Variants in PDGFRL observed in about 807,000 individuals in gnomAD.
PDGFRL encodes platelet-derived growth factor receptor-like protein.
In PDGFRL, 46 loss-of-function variants were observed where a neutral mutation model predicts 37.2. The ratio of observed to expected loss-of-function variants is 1.24; its 90% CI spans 0.98 to 1.58. The LOEUF is 1.58. PDGFRL is among the 40% of genes most tolerant of loss of function. The probability of loss-of-function intolerance (pLI) is 0.00; values close to 1 mark genes in which losing one functional copy is unlikely to be tolerated. For synonymous variants in PDGFRL, 251 were observed against 184.3 expected (o/e 1.36, Z -2.93); for missense variants, 692 against 467.6 (o/e 1.48, Z -4.43).
At chr8:17,621,558 A>G (rs1456124551) in intron 3 of PDGFRL, among the ~76,000 whole-genome samples, 1 of 152,142 alleles carries the variant, frequency 6.6e-6, no homozygotes. Context: ...TGACCACTAA[A>G]CATGTGTGGC....
intron 1 of PDGFRL, among the ~76,000 whole-genome samples, chr8:17,588,496 G>A (rs1464671969): frequency 1.6e-5 from 2 of 126,310 alleles, no homozygotes; most frequent in African/African-American, 5.2e-5. Context: ...GGGCAACATA[G>A]CAAGGCCCCA....
chr8:17,595,439 GC>G (rs1333585644), intron 2 of PDGFRL, among the ~76,000 whole-genome samples: 2 of 152,146 alleles, frequency 1.3e-5, no homozygotes, highest in African/African-American at 4.8e-5. Flanking sequence ...CTAGGTAGCC[GC>G]CCTATTTTGG....
intron 1 of PDGFRL, among the ~76,000 whole-genome samples, chr8:17,589,185 C>G (rs572576042): frequency 4.6e-5 from 7 of 152,130 alleles, no homozygotes; most frequent in African/African-American, 1.4e-4. Context: ...CGAGACCAGC[C>G]TGACCAACGT....
chr8:17,596,350 C>T, intron 2 of PDGFRL: 1 of 1,239,640 alleles, frequency 8.1e-7, no homozygotes. Flanking sequence ...GGGAAGAAGC[C>T]AACGCGCCCG....
chr8:17,619,520 A>T (rs1032632577), intron 2 of PDGFRL, among the ~76,000 whole-genome samples: 2 of 152,212 alleles, frequency 1.3e-5, no homozygotes, highest in African/African-American at 4.8e-5. Flanking sequence ...GAAATGCCCA[A>T]ACCCTTTAAA....
chr8:17,614,044 TGATA>T (rs1029679029), intron 2 of PDGFRL, among the ~76,000 whole-genome samples: 16 of 152,140 alleles, frequency 1.1e-4, no homozygotes, highest in Admixed American at 3.9e-4. Flanking sequence ...TGGAGATAGA[TGATA>T]GATAGATAGT....
intron 1 of PDGFRL, among the ~76,000 whole-genome samples, chr8:17,583,755 G>A (rs1482507896): frequency 3.3e-5 from 5 of 152,098 alleles, no homozygotes; most frequent in Admixed American, 1.3e-4. Context: ...ACTAATTCAT[G>A]TAAGAGCTGG....
At chr8:17,603,244 C>T (rs2588131) in intron 2 of PDGFRL, among the ~76,000 whole-genome samples, 18,840 of 152,096 alleles carry the variant, frequency 0.12, 1,156 homozygotes, top group Middle Eastern at 0.15. Flanking sequence ...ACCTGGGCCT[C>T]GCTAAGTGCT....
At chr8:17,626,109 G>A (rs965882438) in intron 3 of PDGFRL, among the ~76,000 whole-genome samples, 2 of 152,222 alleles carry the variant, frequency 1.3e-5, no homozygotes, top group East Asian at 3.8e-4. Context: ...TAAAACAAAA[G>A]TTGCCTCTAA....
At chr8:17,609,894 T>A (rs1804371121) in intron 2 of PDGFRL, among the ~76,000 whole-genome samples, 1 of 152,112 alleles carries the variant, frequency 6.6e-6, no homozygotes, top group Non-Finnish European at 1.5e-5. Context: ...GTTTGTTTAT[T>A]TAGGTTTCTG....
intron 2 of PDGFRL, among the ~76,000 whole-genome samples, chr8:17,595,706 C>A (rs1259298404): frequency 6.6e-6 from 1 of 152,198 alleles, no homozygotes; most frequent in Non-Finnish European, 1.5e-5. Flanking sequence ...GGGCCTCTAG[C>A]CCTGTGGTGG....
In PDGFRL at chr8:17,600,707, G is replaced by A. The variant is rs554076777; in HGVS notation, c.353+10942G>A. Among the ~76,000 whole-genome samples the A allele has an allele frequency of 2.6e-5, 4 of 151,824 alleles. No individual in the cohort carries two copies. The East Asian group carries it at 7.8e-4, about 30-fold the overall frequency. On this transcript the variant is annotated intron_variant, in intron 2 of 5. Coordinates refer to ENST00000251630, the MANE Select transcript of PDGFRL (RefSeq NM_001372073.1). ...AGTTGCAGCTACTCAGGATGCTGTG[G>A]TGAGAAGATCACTTGGGCCCAGGAG...
At chr8:17,623,758 C>T (rs2129777336) in intron 3 of PDGFRL, among the ~76,000 whole-genome samples, 1 of 151,924 alleles carries the variant, frequency 6.6e-6, no homozygotes, top group East Asian at 1.9e-4. Context: ...GTTGTGCTCC[C>T]AGCTGCTCAG....
At chr8:17,616,204 A>ATTTAT (rs1554552878) in intron 2 of PDGFRL, among the ~76,000 whole-genome samples, 5 of 134,516 alleles carry the variant, frequency 3.7e-5, no homozygotes, top group African/African-American at 1.3e-4. Context: ...TTATTTATTT[A>ATTTAT]TTTATTTCTG....
intron 5 of PDGFRL, among the ~76,000 whole-genome samples, chr8:17,635,260 A>T (rs1396074513): frequency 6.6e-6 from 1 of 152,128 alleles, no homozygotes; most frequent in Admixed American, 6.5e-5. Context: ...ACTATACCCA[A>T]TGTATAGGCT....
chr8:17,639,694 T>A (rs1805051035), intron 5 of PDGFRL, among the ~76,000 whole-genome samples: 1 of 152,212 alleles, frequency 6.6e-6, no homozygotes, highest in South Asian at 2.1e-4. Context: ...TGCTTTTGCC[T>A]CACAGCTCTT....
chr8:17,642,467 C>G, intron 5 of PDGFRL, 146 bp from the exon 6 acceptor site: 2 of 617,616 alleles, frequency 3.2e-6, no homozygotes, highest in Non-Finnish European at 5.7e-6. Flanking sequence ...GAAGCTTCCA[C>G]AGCTTATGAG....
At chr8:17,635,269 C>G (rs1036207603) in intron 5 of PDGFRL, among the ~76,000 whole-genome samples, 101 of 152,140 alleles carry the variant, frequency 6.6e-4, no homozygotes, top group African/African-American at 2.4e-3. Context: ...AATGTATAGG[C>G]TTTTATCTCT....
rs1411127779 is a variant in PDGFRL at position 17,577,296 on chromosome 8, C to G, written c.44C>G (p.Ala15Gly). ...CTTGGTCTTCTGCTGGTGCACGAAG[C>G]GCTGGAGGATGGTGAGTGACTCTGG... The part of the protein sequence containing the change: ...LLLGLLLVHE[A>G]LEDVTGQHLP... Residue 15 changes from alanine (A) to glycine (G), a missense_variant, in exon 1 of 6, where the codon GCG (alanine) becomes GGG (glycine). Physicochemically the swap from Ala to Gly is moderately conservative, Grantham distance 60 (BLOSUM62 0). Coordinates refer to ENST00000251630, the MANE Select transcript of PDGFRL (RefSeq NM_001372073.1). The G allele has an allele frequency of 1.2e-6, 2 of 1,612,676 alleles. No homozygotes were observed. Among genetic ancestry groups the G allele is most frequent in the African/African-American group, 1.3e-5 (1 of 74,834 alleles).
Sources: gnomAD v4.1 joint callset for allele counts (sites outside exome capture counted in the v4.1 genomes callset) on GRCh38, gnomAD v4.1.1 for gene constraint, MANE v1.5 for transcripts, NCBI Gene and HGNC (gene_info 2026-07-23, HGNC 2026-07-21) for gene names.